The following KCNIP1 variants were observed in gnomAD, a reference collection of about 807,000 sequenced individuals.
The protein encoded by KCNIP1 is A-type potassium channel modulatory protein KCNIP1.
Under a neutral mutation model 33.0 loss-of-function variants are expected in KCNIP1, and 18 were observed. That is an observed-to-expected ratio of 0.55 (90% CI 0.38 to 0.81). The LOEUF is 0.81. Among genes scored for constraint, KCNIP1 ranks in the 30% least tolerant of loss-of-function variants. The pLI is 0.00. For missense variants in KCNIP1, 238 were observed against 271.6 expected, an observed-to-expected ratio of 0.88 and a Z score of 0.87; for synonymous variants, 93 against 98.3, an observed-to-expected ratio of 0.95 and a Z score of 0.32.
chr5:170,368,387 C>T (rs531565400), intron 1 of KCNIP1, among the ~76,000 whole-genome samples: 40 of 152,258 alleles, frequency 2.6e-4, no homozygotes, highest in Admixed American at 6.5e-4. Flanking sequence ...GCCTCAGCCT[C>T]CCAAGAAGCT....
At chr5:170,610,768 A>C (rs1759115740) in intron 1 of KCNIP1, among the ~76,000 whole-genome samples, 1 of 152,208 alleles carries the variant, frequency 6.6e-6, no homozygotes, top group Non-Finnish European at 1.5e-5. Context: ...GTCCTTATAA[A>C]TGTTCCCACG....
At chr5:170,471,363 G>T (rs993250018) in intron 1 of KCNIP1, among the ~76,000 whole-genome samples, 2 of 152,224 alleles carry the variant, frequency 1.3e-5, no homozygotes, top group Non-Finnish European at 2.9e-5. Flanking sequence ...ACCTTGTCCA[G>T]AAGAAACCAC....
rs987115416 is a variant in KCNIP1, at chr5:170,657,610, C to T, written c.62-61148C>T. 5.9e-5 allele frequency among the ~76,000 whole-genome samples: 9 copies of T among 152,194 alleles called. 1 individual carries two copies. The highest frequency in any genetic ancestry group is 2.2e-4 in the African/African-American group (9 of 41,440). On this transcript the variant is annotated intron_variant, in intron 1 of 7. Coordinates refer to ENST00000328939, the MANE Select transcript of KCNIP1 (RefSeq NM_014592.4). ...TCATTCTAGATCCCTCACACTTCCC[C>T]AGCTCCTACGGAAATAACCTATCCC...
intron 1 of KCNIP1, among the ~76,000 whole-genome samples, chr5:170,594,323 G>A (rs1472246041): frequency 6.6e-6 from 1 of 152,130 alleles, no homozygotes; most frequent in Non-Finnish European, 1.5e-5. Flanking sequence ...ACCTCAGGAA[G>A]TGTCCCATCT....
At chr5:170,622,644 G>A (rs1759649571) in intron 1 of KCNIP1, among the ~76,000 whole-genome samples, 1 of 143,148 alleles carries the variant, frequency 7.0e-6, no homozygotes, top group South Asian at 2.3e-4. Flanking sequence ...AAAAAAGAGT[G>A]GATACAGAGA....
At chr5:170,386,754 G>A (rs1454042648) in intron 1 of KCNIP1, among the ~76,000 whole-genome samples, 2 of 151,948 alleles carry the variant, frequency 1.3e-5, no homozygotes, top group Non-Finnish European at 2.9e-5. Context: ...CATCATGGTG[G>A]CCTCAGCGAC....
At chr5:170,506,254 C>G (rs951698263) in intron 1 of KCNIP1, among the ~76,000 whole-genome samples, 1 of 152,132 alleles carries the variant, frequency 6.6e-6, no homozygotes, top group East Asian at 1.9e-4. Context: ...TCACTCCCTG[C>G]CTCTGGGACC....
intron 1 of KCNIP1, among the ~76,000 whole-genome samples, chr5:170,599,068 G>C (rs962759807): frequency 6.6e-6 from 1 of 152,024 alleles, no homozygotes; most frequent in Admixed American, 6.6e-5. Context: ...GCTGCCGTGG[G>C]GTTGAGGGCT....
chr5:170,374,730 A>C, intron 1 of KCNIP1: 1 of 152,210 alleles, frequency 6.6e-6, no homozygotes, highest in Non-Finnish European at 1.5e-5. Flanking sequence ...GGCAGATATT[A>C]TTGCAAAAAA....
chr5:170,409,862 T>G (rs1049111546), intron 1 of KCNIP1, among the ~76,000 whole-genome samples: 1 of 152,236 alleles, frequency 6.6e-6, no homozygotes, highest in African/African-American at 2.4e-5. Flanking sequence ...TCCTCTGGGT[T>G]GTCATGAGCA....
chr5:170,543,591 A>G (rs1380450801), intron 1 of KCNIP1, among the ~76,000 whole-genome samples: 1 of 152,196 alleles, frequency 6.6e-6, no homozygotes, highest in Non-Finnish European at 1.5e-5. Context: ...TGACTTTCAC[A>G]GCACAATAAA....
Position 170,377,352 on chromosome 5 carries a change from C to T in KCNIP1, c.88+23388C>T, listed in dbSNP as rs183899897. ...ATTTCTCACAAGCTGCCACAGGATC[C>T]TGATGCTGCTGGCCCAGGGACCACA... is the stretch of plus-strand genomic sequence containing the variant. On this transcript the variant is annotated intron_variant, in intron 1 of 7. Transcript: ENST00000377360. The T allele has an allele frequency of 1.0e-4, 16 of 152,408 alleles. No homozygotes were observed. In the East Asian group the frequency reaches 2.9e-3, roughly 28 times the overall value. The allele number at this position is 152,408 out of a possible 1,614,324, so 9.4% of individuals were successfully genotyped here. A position where few individuals can be genotyped will look rare whatever the true frequency, so the allele number is the denominator to read the frequency against.
At chr5:170,517,061 A>G (rs1388805591) in intron 1 of KCNIP1, among the ~76,000 whole-genome samples, 1 of 152,136 alleles carries the variant, frequency 6.6e-6, no homozygotes, top group Admixed American at 6.5e-5. Flanking sequence ...ACACTGCTGT[A>G]AAGAACTACC....
chr5:170,369,022 C>A (rs1258325625), intron 1 of KCNIP1, among the ~76,000 whole-genome samples: 1 of 152,128 alleles, frequency 6.6e-6, no homozygotes, highest in East Asian at 1.9e-4. Context: ...CATTGGTGAA[C>A]CTAGATGAAG....
At chr5:170,494,237 G>T (rs1276900549) in intron 1 of KCNIP1, among the ~76,000 whole-genome samples, 2 of 152,206 alleles carry the variant, frequency 1.3e-5, no homozygotes, top group African/African-American at 2.4e-5. Context: ...GAATACTAAT[G>T]GATCATGCAA....
intron 1 of KCNIP1, chr5:170,680,843 A>G (rs1284979074): frequency 2.7e-6 from 1 of 370,350 alleles, no homozygotes; most frequent in Non-Finnish European, 4.8e-6. Context: ...AAAAGAGGAA[A>G]TAAAAGCAAA....
At chr5:170,400,186 G>A (rs553727027) in intron 1 of KCNIP1, among the ~76,000 whole-genome samples, 59 of 152,180 alleles carry the variant, frequency 3.9e-4, no homozygotes, top group African/African-American at 1.3e-3. Context: ...CCTTGCATTA[G>A]TCCGTTTTCA....
intron 1 of KCNIP1, among the ~76,000 whole-genome samples, chr5:170,450,343 A>G (rs1471816224): frequency 6.6e-6 from 1 of 152,078 alleles, no homozygotes; most frequent in Non-Finnish European, 1.5e-5. Context: ...TTTTTCATCC[A>G]TCACTCAGCC....
intron 1 of KCNIP1, among the ~76,000 whole-genome samples, chr5:170,380,065 C>G (rs1764179250): frequency 6.6e-6 from 1 of 152,106 alleles, no homozygotes; most frequent in African/African-American, 2.4e-5. Flanking sequence ...ACACTGGGAT[C>G]CAAAGGAAAG....
Sources: allele counts gnomAD v4.1 joint callset (sites outside exome capture counted in the v4.1 genomes callset), GRCh38; gene constraint gnomAD v4.1.1; transcripts MANE v1.5; gene names NCBI Gene and HGNC (gene_info 2026-07-23, HGNC 2026-07-21).